The following FNTB variants were observed in gnomAD, a reference collection of about 807,000 sequenced individuals.
FNTB encodes farnesyltransferase, CAAX box, subunit beta, also known as protein farnesyltransferase subunit beta.
Under a neutral mutation model 59.4 loss-of-function variants are expected in FNTB, and 27 were observed. The ratio of observed to expected loss-of-function variants is 0.45; its 90% CI spans 0.34 to 0.63. FNTB has a LOEUF of 0.63. Among genes scored for constraint, FNTB ranks in the 20% least tolerant of loss-of-function variants. FNTB has a pLI of 0.02. For missense variants in FNTB, 449 were observed against 559.6 expected (o/e 0.80, Z 1.99); for synonymous variants, 230 against 220.7 (o/e 1.04, Z -0.37).
intron 7 of FNTB, among the ~76,000 whole-genome samples, chr14:65,035,995 C>G (rs190454319): frequency 2.6e-5 from 4 of 152,140 alleles, no homozygotes; most frequent in Admixed American, 2.0e-4. Context: ...CAACACCTAG[C>G]TAATTTTTAA....
chr14:64,990,808 A>G lies in FNTB; in HGVS notation c.144+3711A>G, dbSNP rs1888169447. On this transcript the variant is annotated intron_variant, in intron 1 of 11. Transcript: ENST00000246166. The surrounding 1 kb of genome is among the most constrained non-coding windows in gnomAD (Gnocchi z 5.2). ...ATACAGGGAAACCAGTTAGGAGGCT[A>G]TTGCAGTATCCTGGGAGAGAGGTGA... Among the ~76,000 whole-genome samples, 1 of 152,192 alleles carries G rather than the reference A, an allele frequency of 6.6e-6. No homozygotes were observed. Among genetic ancestry groups the G allele is most frequent in the Non-Finnish European group, 1.5e-5 (1 of 68,028 alleles).
At chr14:65,004,749 G>A (rs1337371713) in intron 2 of FNTB, among the ~76,000 whole-genome samples, 2 of 151,688 alleles carry the variant, frequency 1.3e-5, no homozygotes, top group African/African-American at 4.8e-5. Flanking sequence ...TGGAACCTTC[G>A]CCTCATAGGT....
intron 11 of FNTB, among the ~76,000 whole-genome samples, chr14:65,057,395 G>T: frequency 6.6e-6 from 1 of 152,190 alleles, no homozygotes; most frequent in Non-Finnish European, 1.5e-5. Flanking sequence ...CTCCAGTCTG[G>T]GAGATAGAGT....
Position 65,014,613 on chromosome 14 carries a change from A to G in FNTB, c.283-1012A>G, listed in dbSNP as rs1375015431. 6.6e-6 allele frequency among the ~76,000 whole-genome samples: 1 copy of G among 152,174 alleles called. No individual in the cohort carries two copies. Among genetic ancestry groups the G allele is most frequent in the African/African-American group, 2.4e-5 (1 of 41,450 alleles). ...TGAATTGCTTCAGCCCAGGAGTTCA[A>G]GACCAGCCTGGGCAACATAGTGGGA... On this transcript the variant is annotated intron_variant, in intron 3 of 11. Transcript: ENST00000246166. This position sits in a 1 kb window ranked among gnomAD's most constrained non-coding sequence, Gnocchi z 5.1.
In FNTB at chr14:65,000,559, G is replaced by A. The variant is rs142151387; in HGVS notation, c.145-3690G>A. On this transcript the variant is annotated intron_variant, in intron 1 of 11. Coordinates refer to ENST00000246166, the MANE Select transcript of FNTB (RefSeq NM_002028.4). ...CCCAGGGCCAGGTGAGGTGGCTCAC[G>A]CCCGTAATCCCAGCACTTTGGGAGG... Among the ~76,000 whole-genome samples the A allele has an allele frequency of 5.4e-3, 825 of 152,076 alleles. 6 individuals carry two copies. Among genetic ancestry groups the A allele is most frequent in the African/African-American group, 0.019 (797 of 41,508 alleles).
At position 64,991,323 on chromosome 14, in the gene FNTB, C is replaced by G. The variant is rs565736934; in HGVS notation, c.144+4226C>G. On this transcript the variant is annotated intron_variant, in intron 1 of 11. Coordinates refer to ENST00000246166, the MANE Select transcript of FNTB (RefSeq NM_002028.4). This position sits in a 1 kb window ranked among gnomAD's most constrained non-coding sequence, Gnocchi z 4.4. ...GATAAAAAAGAATATGCTGTAAGGC[C>G]GAGTGCGGTGGCTCACTCCTGTAAT... is the stretch of plus-strand genomic sequence containing the variant. Among the ~76,000 whole-genome samples, 20 of 152,156 alleles carry G rather than the reference C, an allele frequency of 1.3e-4. 1 individual carries two copies. Among genetic ancestry groups the G allele is most frequent in the Admixed American group, 1.3e-3 (20 of 15,294 alleles).
Position 65,022,132 on chromosome 14 carries a change from C to T in FNTB, c.375-5321C>T, listed in dbSNP as rs945353834. 1.4e-4 allele frequency: 64 copies of T among 453,404 alleles called. 1 individual carries two copies. The Admixed American group carries it at 1.5e-3, about 11-fold the overall frequency. 28.1% of individuals were successfully genotyped at this position (453,404 alleles called of 1,614,324 possible). ...ATATTCTACCTAGGGAAGGAGATTT[C>T]CTCTTCACTATATCAAGCTGAAGCT... On this transcript the variant is annotated intron_variant, in intron 4 of 11. Coordinates refer to ENST00000246166, the MANE Select transcript of FNTB (RefSeq NM_002028.4).
At chr14:65,002,037 A>G (rs1261121742) in intron 1 of FNTB, among the ~76,000 whole-genome samples, 1 of 152,226 alleles carries the variant, frequency 6.6e-6, no homozygotes, top group Non-Finnish European at 1.5e-5. Flanking sequence ...ATCATCACAG[A>G]TAATTCTTTC....
intron 2 of FNTB, among the ~76,000 whole-genome samples, chr14:65,005,448 C>CTT (rs1245761441): frequency 1.1e-4 from 15 of 141,600 alleles, no homozygotes; most frequent in Non-Finnish European, 2.2e-4. Flanking sequence ...CTCTTCCTTT[C>CTT]TTTTCTTTCT....
chr14:65,015,808 G>A, intron 4 of FNTB, 92 bp downstream of exon 4: 2 of 1,433,962 alleles, frequency 1.4e-6, no homozygotes, highest in East Asian at 2.3e-5. Context: ...TGTTTGGAAT[G>A]GAAAAAAACA....
At chr14:64,998,030 C>T (rs560798828) in intron 1 of FNTB, among the ~76,000 whole-genome samples, 1 of 152,230 alleles carries the variant, frequency 6.6e-6, no homozygotes, top group Admixed American at 6.5e-5. Flanking sequence ...ATTCTGGTCT[C>T]CTGCACATTC....
At position 64,986,960 on chromosome 14, in the gene FNTB, T is replaced by A; in HGVS notation, c.7T>A (p.Ser3Thr). The change falls in exon 1 of 12, where the codon TCT (serine) becomes ACT (threonine). Residue 3 changes from serine (S) to threonine (T), a missense_variant. Physicochemically the swap from Ser to Thr is moderately conservative, Grantham distance 58. This residue lies in a region of FNTB where 112 missense variants were observed against 80.5 expected (regional missense o/e 1.39). Transcript: ENST00000246166. MA[S>T]PSSFTYYCPP... ...GTCTGCTGCTCTCCTGATCATGGCTTCTCCGAGTTCTTTCACCTACTATTG... is the reference window on the plus strand; with the variant it reads ...GTCTGCTGCTCTCCTGATCATGGCTACTCCGAGTTCTTTCACCTACTATTG... 6.2e-7 allele frequency: 1 copy of A among 1,614,242 alleles called. No homozygotes were observed. The highest frequency in any genetic ancestry group is 8.5e-7 in the Non-Finnish European group (1 of 1,180,024).
At chr14:65,042,036 AT>A (rs1242560016) in intron 8 of FNTB, among the ~76,000 whole-genome samples, 1 of 152,108 alleles carries the variant, frequency 6.6e-6, no homozygotes, top group East Asian at 1.9e-4. Context: ...AACAATCCTT[AT>A]TTTTTTAAGG....
At position 65,001,709 on chromosome 14, in the gene FNTB, A is replaced by C. The variant is rs182501547; in HGVS notation, c.145-2540A>C. Among the ~76,000 whole-genome samples, 1 of 152,286 alleles carries C rather than the reference A, an allele frequency of 6.6e-6. No individual in the cohort carries two copies. The highest frequency in any genetic ancestry group is 1.9e-4 in the East Asian group (1 of 5,186). ...TATTTAATGATCTTACCAATTTCTTATATATTTTTCTATCCCATTCAGCTT... is the reference window on the plus strand; with the variant it reads ...TATTTAATGATCTTACCAATTTCTTCTATATTTTTCTATCCCATTCAGCTT... On this transcript the variant is annotated intron_variant, in intron 1 of 11. Coordinates refer to ENST00000246166, the MANE Select transcript of FNTB (RefSeq NM_002028.4). This position sits in a 1 kb window ranked among gnomAD's most constrained non-coding sequence, Gnocchi z 5.5.
At chr14:65,020,215 C>T (rs1380931207) in intron 4 of FNTB, among the ~76,000 whole-genome samples, 3 of 152,232 alleles carry the variant, frequency 2.0e-5, no homozygotes, top group African/African-American at 7.2e-5. Context: ...CCAAAGCCAG[C>T]AAGGCGAGGT....
At chr14:65,041,648 G>A (rs1001037828) in intron 8 of FNTB, among the ~76,000 whole-genome samples, 3 of 152,160 alleles carry the variant, frequency 2.0e-5, no homozygotes, top group South Asian at 4.1e-4. Context: ...GCGGCCCATC[G>A]TGAGCTTCCT....
intron 1 of FNTB, 76 bp downstream of exon 1, chr14:64,987,173 G>C (rs1283029483): frequency 4.5e-6 from 7 of 1,552,874 alleles, no homozygotes; most frequent in African/African-American, 1.4e-5. Context: ...GGGCCGCCCG[G>C]GTGCGGAACT....
In FNTB at chr14:65,028,064, A is replaced by G. The variant is rs2062016296; in HGVS notation, c.605+283A>G. 1.3e-5 allele frequency among the ~76,000 whole-genome samples: 2 copies of G among 152,236 alleles called. No homozygotes were observed. ...TTTGTTTGGTACAAAATGATATACC[A>G]CAATATAAATAACTGTATGGTGTAA... On this transcript the variant is annotated intron_variant, in intron 6 of 11. Transcript: ENST00000246166. This position sits in a 1 kb window ranked among gnomAD's most constrained non-coding sequence, Gnocchi z 4.4.
intron 1 of FNTB, 165 bp downstream of exon 1, chr14:64,987,262 G>C: frequency 2.6e-6 from 2 of 775,480 alleles, no homozygotes; most frequent in Non-Finnish European, 4.1e-6. Context: ...CTTGGGCTTC[G>C]TCGTGGAGCG....
Sources: gnomAD v4.1 joint callset for allele counts (sites outside exome capture counted in the v4.1 genomes callset) on GRCh38, gnomAD v4.1.1 for gene constraint, gnomAD v4.1.1 regional missense constraint, Gnocchi (gnomAD v3.1) non-coding constraint, MANE v1.5 for transcripts, NCBI Gene and HGNC (gene_info 2026-07-23, HGNC 2026-07-21) for gene names.